Variants in ESR1 observed in about 807,000 individuals in gnomAD.
ESR1 encodes the protein estrogen receptor.
ESR1 carries 12 observed loss-of-function variants against 52.7 expected under a neutral mutation model. The observed-to-expected ratio is 0.23, with a 90% confidence interval of 0.15 to 0.37. The LOEUF (loss-of-function observed/expected upper bound fraction) is 0.37, where lower values mean the gene tolerates loss of function less well. ESR1 is among the 10% of genes least tolerant of loss of function. The probability of loss-of-function intolerance (pLI) is 1.00; values close to 1 mark genes in which losing one functional copy is unlikely to be tolerated. For missense variants in ESR1, 584 were observed against 779.7 expected, an observed-to-expected ratio of 0.75 and a Z score of 2.99; for synonymous variants, 305 against 316.8, an observed-to-expected ratio of 0.96 and a Z score of 0.39.
chr6:151,863,394 C>G (rs1208059041), intron 2 of ESR1, among the ~76,000 whole-genome samples: 1 of 152,074 alleles, frequency 6.6e-6, no homozygotes, highest in Non-Finnish European at 1.5e-5. Context: ...GTATTTTATT[C>G]TCATTGAAGC....
intron 4 of ESR1, among the ~76,000 whole-genome samples, chr6:152,010,777 T>C (rs1294386862): frequency 6.6e-6 from 1 of 152,086 alleles, no homozygotes; most frequent in Non-Finnish European, 1.5e-5. Context: ...TTCCTACCTC[T>C]TCAGGTTGTT....
At chr6:151,750,144 G>A (rs932066336) in intron 2 of ESR1, among the ~76,000 whole-genome samples, 1 of 151,994 alleles carries the variant, frequency 6.6e-6, no homozygotes, top group African/African-American at 2.4e-5. Flanking sequence ...TTTTAATGTA[G>A]ATTCAAGAGT....
At chr6:151,918,452 G>A (rs1053121921) in intron 3 of ESR1, among the ~76,000 whole-genome samples, 3 of 152,238 alleles carry the variant, frequency 2.0e-5, no homozygotes, top group African/African-American at 7.2e-5. Context: ...TCACAATGGT[G>A]TATCACCCCA....
intron 2 of ESR1, among the ~76,000 whole-genome samples, chr6:151,751,169 T>G (rs972468007): frequency 1.5e-4 from 23 of 152,182 alleles, no homozygotes; most frequent in Non-Finnish European, 3.4e-4. Context: ...CTAAAATGGG[T>G]GATATTAACT....
intron 3 of ESR1, among the ~76,000 whole-genome samples, chr6:151,933,571 G>A (rs1280921909): frequency 6.6e-6 from 1 of 151,870 alleles, no homozygotes; most frequent in Non-Finnish European, 1.5e-5. Context: ...TGCCCATTCA[G>A]TATGATATTG....
chr6:152,060,117 A>C (rs2047432756), intron 5 of ESR1, among the ~76,000 whole-genome samples: 1 of 152,198 alleles, frequency 6.6e-6, no homozygotes, highest in Non-Finnish European at 1.5e-5. Flanking sequence ...TCTCATTTAA[A>C]TTCTTCAACA....
intron 4 of ESR1, among the ~76,000 whole-genome samples, chr6:151,963,378 T>A (rs1464098076): frequency 2.6e-5 from 4 of 152,246 alleles, no homozygotes; most frequent in African/African-American, 9.6e-5. Context: ...GCATTCAGAA[T>A]GCAGACTTAG....
At chr6:151,804,563 G>C (rs944037697), upstream of ESR1, 3 of 151,646 alleles carry the variant, frequency 2.0e-5, no homozygotes, top group Admixed American at 6.6e-5. Context: ...GAGCTCTCCT[G>C]TGCTCAAACA....
intron 2 of ESR1, among the ~76,000 whole-genome samples, chr6:151,797,132 A>G (rs1338281905): frequency 6.6e-6 from 1 of 152,258 alleles, no homozygotes; most frequent in African/African-American, 2.4e-5. Context: ...CTGGCTACTT[A>G]GCTAGTGCTA....
Position 152,100,327 on chromosome 6 carries a change from C to A in ESR1, c.*1361C>A. ...CTGTCACTACTCAGGCTGACTGGGG[C>A]CTGGTCAGATTACGTATGCCCTTGG... On this transcript the variant is annotated 3_prime_UTR_variant, in exon 8 of 8. Coordinates refer to ENST00000206249, the MANE Select transcript of ESR1 (RefSeq NM_000125.4). The A allele has an allele frequency of 2.6e-6, 1 of 381,510 alleles. No homozygotes were observed. Among genetic ancestry groups the A allele is most frequent in the Admixed American group, 4.5e-5 (1 of 22,134 alleles). 23.6% of individuals were successfully genotyped at this position (381,510 alleles called of 1,614,324 possible). A position where few individuals can be genotyped will look rare whatever the true frequency, so the allele number is the denominator to read the frequency against.
At position 151,997,474 on chromosome 6, in the gene ESR1, G is replaced by A. The variant is rs973915524; in HGVS notation, c.1097-14182G>A. ...TCATAGCCCCAGTGTTGCAAAATGA[G>A]TCAGAAGATACAAAGTATCTCATAG... On this transcript the variant is annotated intron_variant, in intron 4 of 7. Coordinates refer to ENST00000206249, the MANE Select transcript of ESR1 (RefSeq NM_000125.4). 2.0e-5 allele frequency among the ~76,000 whole-genome samples: 3 copies of A among 152,096 alleles called. No individual in the cohort carries two copies. The South Asian group carries it at 6.2e-4, about 31-fold the overall frequency.
intron 4 of ESR1, among the ~76,000 whole-genome samples, chr6:152,010,400 C>T (rs538949101): frequency 4.6e-5 from 7 of 152,048 alleles, no homozygotes; most frequent in South Asian, 2.1e-4. Context: ...GAAAAGAACA[C>T]GCACACACAT....
At chr6:152,083,189 G>A (rs2049383860) in intron 6 of ESR1, among the ~76,000 whole-genome samples, 1 of 152,146 alleles carries the variant, frequency 6.6e-6, no homozygotes, top group Admixed American at 6.5e-5. Flanking sequence ...AAAGCTGGAG[G>A]CATCACGCTA....
chr6:151,711,717 G>T (rs1780627538), intron 2 of ESR1, among the ~76,000 whole-genome samples: 1 of 152,188 alleles, frequency 6.6e-6, no homozygotes, highest in African/African-American at 2.4e-5. Context: ...TTGTTTTCTT[G>T]TATATTTGTT....
At chr6:151,890,170 C>T (rs1022388548) in intron 3 of ESR1, among the ~76,000 whole-genome samples, 2 of 151,742 alleles carry the variant, frequency 1.3e-5, no homozygotes, top group African/African-American at 4.8e-5. Context: ...CTGCAACCTC[C>T]GCCTCCTGGG....
At chr6:151,882,392 G>A (rs1793093675) in intron 3 of ESR1, among the ~76,000 whole-genome samples, 1 of 152,140 alleles carries the variant, frequency 6.6e-6, no homozygotes, top group Admixed American at 6.5e-5. Context: ...AATTCAAAGG[G>A]TAATTAATTC....
At chr6:152,026,759 A>G (rs924532314) in intron 5 of ESR1, among the ~76,000 whole-genome samples, 20 of 152,232 alleles carry the variant, frequency 1.3e-4, no homozygotes, top group African/African-American at 4.6e-4. Context: ...ATTTTCTACT[A>G]TGAGCAGTAG....
At chr6:151,720,723 T>A (rs1007267555) in intron 2 of ESR1, among the ~76,000 whole-genome samples, 1 of 152,184 alleles carries the variant, frequency 6.6e-6, no homozygotes, top group Non-Finnish European at 1.5e-5. Flanking sequence ...TAAATTTAAA[T>A]ATAGGAAGAA....
rs577131677 is a variant in ESR1 at position 152,024,517 on chromosome 6, C to T, written c.1235+12723C>T. 2.6e-5 allele frequency among the ~76,000 whole-genome samples: 4 copies of T among 151,494 alleles called. No individual in the cohort carries two copies. In the South Asian group the frequency reaches 8.3e-4, roughly 32 times the overall value. ...TCTTCATATCTAAGACCAAGGGGTGCCTTTTCATTTGTTAAATATTCTTTG... is the reference window on the plus strand; with the variant it reads ...TCTTCATATCTAAGACCAAGGGGTGTCTTTTCATTTGTTAAATATTCTTTG... On this transcript the variant is annotated intron_variant, in intron 5 of 7. Transcript: ENST00000206249.
Sources: allele counts gnomAD v4.1 joint callset (sites outside exome capture counted in the v4.1 genomes callset), GRCh38; gene constraint gnomAD v4.1.1; transcripts MANE v1.5; gene names NCBI Gene and HGNC (gene_info 2026-07-23, HGNC 2026-07-21).